Variants in EXOC6B observed in about 807,000 individuals in gnomAD.
The protein encoded by EXOC6B is exocyst complex component 6B.
In EXOC6B, 54 loss-of-function variants were observed where a neutral mutation model predicts 113.5. The ratio of observed to expected loss-of-function variants is 0.48; its 90% CI spans 0.38 to 0.60. EXOC6B has a LOEUF of 0.60. Ranked by LOEUF, EXOC6B falls within the 20% of genes least tolerant of loss-of-function variation. The pLI, the probability that EXOC6B is intolerant of heterozygous loss-of-function variation, is 0.00. For synonymous variants in EXOC6B, 357 were observed against 339.0 expected (o/e 1.05, Z -0.58); for missense variants, 797 against 977.5 (o/e 0.82, Z 2.46).
intron 19 of EXOC6B, among the ~76,000 whole-genome samples, chr2:72,355,788 C>T (rs1381361360): frequency 1.3e-5 from 2 of 152,118 alleles, no homozygotes; most frequent in Non-Finnish European, 2.9e-5. Context: ...ACAACATGTC[C>T]TTCAGTAGTC....
intron 6 of EXOC6B, among the ~76,000 whole-genome samples, chr2:72,606,113 T>C (rs766925402): frequency 6.6e-6 from 1 of 152,206 alleles, no homozygotes; most frequent in Non-Finnish European, 1.5e-5. Context: ...TTAGTTATTA[T>C]GCACTAACAT....
intron 19 of EXOC6B, among the ~76,000 whole-genome samples, chr2:72,368,599 G>A (rs984385846): frequency 7.9e-5 from 12 of 152,064 alleles, no homozygotes; most frequent in African/African-American, 2.9e-4. Flanking sequence ...GATGAACATC[G>A]ATGCAAAAAT....
At chr2:72,675,393 GATTA>G (rs1288814871) in intron 6 of EXOC6B, among the ~76,000 whole-genome samples, 16 of 152,216 alleles carry the variant, frequency 1.1e-4, no homozygotes, top group Non-Finnish European at 2.1e-4. Flanking sequence ...GTGCAAACTG[GATTA>G]ATTATTTGAA....
At chr2:72,613,115 G>A (rs901293387) in intron 6 of EXOC6B, among the ~76,000 whole-genome samples, 8 of 152,032 alleles carry the variant, frequency 5.3e-5, no homozygotes, top group Non-Finnish European at 7.4e-5. Context: ...TAAATATTTC[G>A]ATGTATTTTT....
intron 20 of EXOC6B, among the ~76,000 whole-genome samples, chr2:72,309,712 A>C (rs889622982): frequency 6.6e-6 from 1 of 151,000 alleles, no homozygotes. Flanking sequence ...AGTGGCACTA[A>C]GTACATTCAT....
At chr2:72,709,162 C>T (rs962270812) in intron 6 of EXOC6B, among the ~76,000 whole-genome samples, 8 of 151,968 alleles carry the variant, frequency 5.3e-5, no homozygotes, top group Non-Finnish European at 4.4e-5. Context: ...CTAGATCATC[C>T]TTAAGTCTAT....
At chr2:72,667,645 T>C (rs573972152) in intron 6 of EXOC6B, among the ~76,000 whole-genome samples, 14 of 152,264 alleles carry the variant, frequency 9.2e-5, no homozygotes, top group African/African-American at 2.9e-4. Context: ...GTTCAATAAA[T>C]GGTACTGGGA....
Position 72,476,638 on chromosome 2 carries a change from T to A in EXOC6B, c.1800+3978A>T, listed in dbSNP as rs77552792. Among the ~76,000 whole-genome samples, 1,039 of 147,280 alleles carry A rather than the reference T, an allele frequency of 7.1e-3. 5 individuals are homozygous for A. The highest frequency in any genetic ancestry group is 0.011 in the South Asian group (53 of 4,790). On this transcript the variant is annotated intron_variant, in intron 17 of 21. Transcript: ENST00000272427. Reference sequence around the variant, plus strand: ...TCCTCTCTTTCCTTCCTTACTTTCATCTTTTCTTTTCCTTTTTTTAGTTCT... The same window carrying A: ...TCCTCTCTTTCCTTCCTTACTTTCAACTTTTCTTTTCCTTTTTTTAGTTCT...
chr2:72,802,014 A>T (rs892802639), intron 1 of EXOC6B, among the ~76,000 whole-genome samples: 4 of 152,140 alleles, frequency 2.6e-5, no homozygotes, highest in Non-Finnish European at 5.9e-5. Context: ...TATTAGACAC[A>T]TATATAAAGA....
At chr2:72,671,755 GAA>G (rs1675830788) in intron 6 of EXOC6B, among the ~76,000 whole-genome samples, 395 of 14,728 alleles carry the variant, frequency 0.027, 5 homozygotes, top group African/African-American at 0.042. Flanking sequence ...GACAGAGAAA[GAA>G]AGAAAGAAAG....
intron 7 of EXOC6B, among the ~76,000 whole-genome samples, chr2:72,574,681 A>C (rs1364765536): frequency 6.6e-6 from 1 of 152,196 alleles, no homozygotes; most frequent in African/African-American, 2.4e-5. Context: ...ATGATTATTA[A>C]TAATTTTTTA....
chr2:72,335,027 G>A lies in EXOC6B; in HGVS notation c.2123-7C>T. 6.2e-7 allele frequency: 1 copy of A among 1,612,998 alleles called. No individual in the cohort carries two copies. The highest frequency in any genetic ancestry group is 1.1e-5 in the South Asian group (1 of 91,060). ...GGGCCGGATCTGGCAAACTCTGTGG[G>A]AAAGAAAAGAGGATAAAAAGCGCCT... On this transcript the variant is annotated splice_polypyrimidine_tract_variant and splice_region_variant and intron_variant, in intron 19 of 21. Transcript: ENST00000272427.
chr2:72,305,988 G>C (rs777059328), intron 20 of EXOC6B, among the ~76,000 whole-genome samples: 7 of 152,080 alleles, frequency 4.6e-5, no homozygotes, highest in Admixed American at 6.5e-5. Flanking sequence ...TATTCCAAAA[G>C]GGGGAGCAAG....
intron 1 of EXOC6B, among the ~76,000 whole-genome samples, chr2:72,781,702 A>T (rs1055697866): frequency 2.6e-5 from 4 of 152,136 alleles, no homozygotes; most frequent in African/African-American, 7.2e-5. Flanking sequence ...GTGAGGAAAT[A>T]ATAGACTCTT....
rs139744956 is a variant in EXOC6B, at chr2:72,469,294, T to A, written c.1801-3955A>T. 3.9e-4 allele frequency among the ~76,000 whole-genome samples: 59 copies of A among 152,236 alleles called. 1 individual carries two copies. The South Asian group carries it at 4.1e-3, about 11-fold the overall frequency. The stretch of plus-strand genomic sequence containing the variant: ...TTTTCTATACTGGTTTTCATTTTCA[T>A]TGATTTCTGCTCTAATTTTCATTAT... On this transcript the variant is annotated intron_variant, in intron 17 of 21. Transcript: ENST00000272427.
chr2:72,193,573 G>A (rs1045908357), intron 20 of EXOC6B, among the ~76,000 whole-genome samples: 3 of 152,218 alleles, frequency 2.0e-5, no homozygotes, highest in Non-Finnish European at 4.4e-5. Context: ...TAGTCTTGAG[G>A]AAATCAGTCT....
chr2:72,662,700 T>C lies in EXOC6B; in HGVS notation c.669+55403A>G, dbSNP rs371998774. On this transcript the variant is annotated intron_variant, in intron 6 of 21. Transcript: ENST00000272427. ...GAGCAACTGGAATGCTCAGATATTG[T>C]TGGTGGAAATGCAAAATGGCCCAGC... Among the ~76,000 whole-genome samples the C allele has an allele frequency of 1.6e-4, 24 of 152,098 alleles. 2 individuals are homozygous for C. Among genetic ancestry groups the C allele is most frequent in the African/African-American group, 4.6e-4 (19 of 41,516 alleles).
chr2:72,232,628 T>C (rs1681698343), intron 20 of EXOC6B, among the ~76,000 whole-genome samples: 1 of 151,946 alleles, frequency 6.6e-6, no homozygotes, highest in East Asian at 1.9e-4. Context: ...AAAAATAATG[T>C]TTGTGTAGTT....
chr2:72,753,520 A>C (rs1682195559), intron 1 of EXOC6B, among the ~76,000 whole-genome samples: 1 of 152,086 alleles, frequency 6.6e-6, no homozygotes, highest in Non-Finnish European at 1.5e-5. Context: ...TCTTCTGAAC[A>C]CTGTTTTTAT....
Sources: allele counts gnomAD v4.1 joint callset (sites outside exome capture counted in the v4.1 genomes callset), GRCh38; gene constraint gnomAD v4.1.1; transcripts MANE v1.5; gene names NCBI Gene and HGNC (gene_info 2026-07-23, HGNC 2026-07-21).